The following SLC30A6 variants were observed in gnomAD, a reference collection of about 807,000 sequenced individuals.
SLC30A6 encodes zinc transporter 6.
Under a neutral mutation model 63.0 loss-of-function variants are expected in SLC30A6, and 55 were observed. The observed-to-expected ratio is 0.87, with a 90% CI of 0.70 to 1.09. The LOEUF (loss-of-function observed/expected upper bound fraction) is 1.09. SLC30A6 is among the 50% of genes least tolerant of loss of function. The probability of loss-of-function intolerance (pLI) is 0.00; values close to 1 mark genes in which losing one functional copy is unlikely to be tolerated. For missense variants in SLC30A6, 587 were observed against 549.2 expected (o/e 1.07, Z -0.69); for synonymous variants, 224 against 186.1 (o/e 1.20, Z -1.66).
chr2:32,182,861 AG>A (rs1682452085), intron 4 of SLC30A6, among the ~76,000 whole-genome samples: 1 of 152,098 alleles, frequency 6.6e-6, no homozygotes, highest in African/African-American at 2.4e-5. Flanking sequence ...TGGATGAGTC[AG>A]CTGTGGCCAG....
At chr2:32,220,017 T>G (rs1482410376) in intron 13 of SLC30A6, among the ~76,000 whole-genome samples, 196 bp from the exon 14 acceptor site, 1 of 152,214 alleles carries the variant, frequency 6.6e-6, no homozygotes, top group Non-Finnish European at 1.5e-5. Context: ...TTTTGTATTT[T>G]AAAGATTCAC....
chr2:32,169,335 AT>A (rs1263774850), intron 1 of SLC30A6, among the ~76,000 whole-genome samples: 2 of 151,856 alleles, frequency 1.3e-5, no homozygotes, highest in African/African-American at 4.8e-5. Context: ...TGCCTGGCTA[AT>A]TTTTTTCTTT....
chr2:32,175,059 A>T (rs1681606088), intron 3 of SLC30A6, among the ~76,000 whole-genome samples: 1 of 152,190 alleles, frequency 6.6e-6, no homozygotes, highest in Admixed American at 6.5e-5. Context: ...AGGCAGAAAA[A>T]TGGTAACAGG....
chr2:32,175,428 A>G (rs1681647554), intron 4 of SLC30A6, 67 bp downstream of exon 4: 1 of 1,399,032 alleles, frequency 7.1e-7, no homozygotes, highest in Non-Finnish European at 9.9e-7. Flanking sequence ...TGGTATAGCC[A>G]TACAATTCAG....
intron 4 of SLC30A6, among the ~76,000 whole-genome samples, chr2:32,180,166 C>T (rs1445898174): frequency 6.6e-6 from 1 of 151,894 alleles, no homozygotes; most frequent in African/African-American, 2.4e-5. Flanking sequence ...CTTTGAGAAG[C>T]CAAGGTGAAA....
intron 4 of SLC30A6, among the ~76,000 whole-genome samples, chr2:32,178,249 G>C (rs1681965060): frequency 6.6e-6 from 1 of 151,998 alleles, no homozygotes; most frequent in Non-Finnish European, 1.5e-5. Flanking sequence ...ACCCGGCCAA[G>C]TTATTTTTTT....
At chr2:32,175,842 G>A (rs1041285318) in intron 4 of SLC30A6, among the ~76,000 whole-genome samples, 5 of 152,206 alleles carry the variant, frequency 3.3e-5, no homozygotes, top group Admixed American at 2.0e-4. Flanking sequence ...GCATGGTGGT[G>A]TATGCCTGTA....
At chr2:32,186,865 G>A (rs1220980247) in intron 5 of SLC30A6, among the ~76,000 whole-genome samples, 1 of 150,590 alleles carries the variant, frequency 6.6e-6, no homozygotes, top group East Asian at 2.0e-4. Flanking sequence ...GGTGTGGTGG[G>A]GCGTGCCTGC....
At chr2:32,195,334 G>A (rs1466916337) in intron 8 of SLC30A6, among the ~76,000 whole-genome samples, 5 of 152,058 alleles carry the variant, frequency 3.3e-5, no homozygotes, top group Non-Finnish European at 7.4e-5. Flanking sequence ...CCAAAGTGCC[G>A]GGATTACAGG....
At chr2:32,203,160 A>G in intron 10 of SLC30A6, 2 of 1,253,154 alleles carry the variant, frequency 1.6e-6, no homozygotes, top group Non-Finnish European at 2.3e-6. Context: ...TGGTTTGGAC[A>G]TTCCTGAAGT....
At chr2:32,175,270 T>C (rs769466864) in intron 3 of SLC30A6, 49 bp from the exon 4 acceptor site, 1 of 1,572,790 alleles carries the variant, frequency 6.4e-7, no homozygotes, top group South Asian at 1.1e-5. Context: ...TGCTGTATTT[T>C]TTTAGAGGGG....
At chr2:32,191,273 A>G (rs947833133) in intron 5 of SLC30A6, among the ~76,000 whole-genome samples, 6 of 152,142 alleles carry the variant, frequency 3.9e-5, no homozygotes, top group African/African-American at 1.2e-4. Flanking sequence ...TTTGTATTCT[A>G]TCATAACCTA....
chr2:32,216,616 A>G (rs212696), intron 13 of SLC30A6, among the ~76,000 whole-genome samples: 114,855 of 151,496 alleles, frequency 0.76, 43,942 homozygotes, highest in African/African-American at 0.85. Context: ...TGAGTAGTGT[A>G]GGATGGTATC....
At chr2:32,187,043 G>GA (rs1313906420) in intron 5 of SLC30A6, 12 of 365,374 alleles carry the variant, frequency 3.3e-5, no homozygotes, top group African/African-American at 4.3e-5. Flanking sequence ...GAGTTCGGGG[G>GA]AAAAAATGGG....
At chr2:32,189,077 G>T (rs1469716785) in intron 5 of SLC30A6, among the ~76,000 whole-genome samples, 2 of 152,048 alleles carry the variant, frequency 1.3e-5, no homozygotes, top group Non-Finnish European at 2.9e-5. Context: ...GAACATTCTT[G>T]TATATATCTT....
intron 8 of SLC30A6, among the ~76,000 whole-genome samples, chr2:32,194,940 C>A (rs1683647482): frequency 6.6e-6 from 1 of 151,990 alleles, no homozygotes; most frequent in South Asian, 2.1e-4. Context: ...CTGTAAAGAT[C>A]AGGGAGATAC....
chr2:32,203,773 G>A, intron 10 of SLC30A6: 1 of 1,496,812 alleles, frequency 6.7e-7, no homozygotes, highest in African/African-American at 1.4e-5. Context: ...CTCAGTGCCA[G>A]CCAAATTACC....
intron 11 of SLC30A6, among the ~76,000 whole-genome samples, chr2:32,205,611 A>G (rs1447075009): frequency 6.6e-6 from 1 of 152,068 alleles, no homozygotes; most frequent in Non-Finnish European, 1.5e-5. Flanking sequence ...ATTGTGACAA[A>G]ATCACAAATT....
At chr2:32,202,994 C>T in intron 10 of SLC30A6, 2 of 1,150,224 alleles carry the variant, frequency 1.7e-6, no homozygotes, top group South Asian at 1.2e-5. Context: ...TCTGTGAGAC[C>T]CAGAGGAGTG....
Sources: gnomAD v4.1 joint callset for allele counts (sites outside exome capture counted in the v4.1 genomes callset) on GRCh38, gnomAD v4.1.1 for gene constraint, MANE v1.5 for transcripts, NCBI Gene and HGNC (gene_info 2026-07-23, HGNC 2026-07-21) for gene names.